Variants in RNGTT observed in about 807,000 individuals in gnomAD.
RNGTT encodes the protein mRNA-capping enzyme.
A neutral mutation model predicts 79.3 loss-of-function variants in RNGTT; 33 were observed. The ratio of observed to expected loss-of-function variants is 0.42; its 90% CI spans 0.32 to 0.56. The LOEUF (loss-of-function observed/expected upper bound fraction) is 0.56. Among genes scored for constraint, RNGTT ranks in the 20% least tolerant of loss-of-function variants. The pLI, the probability that RNGTT is intolerant of heterozygous loss-of-function variation, is 0.17. For missense variants in RNGTT, 497 were observed against 739.1 expected (o/e 0.67, Z 3.80); for synonymous variants, 222 against 235.9 (o/e 0.94, Z 0.54).
intron 14 of RNGTT, among the ~76,000 whole-genome samples, 185 bp from the exon 15 acceptor site, chr6:88,614,580 C>A (rs1038315116): frequency 1.3e-5 from 2 of 152,136 alleles, no homozygotes; most frequent in African/African-American, 4.8e-5. Context: ...TACACATGCT[C>A]ACTTATCCGA....
At chr6:88,884,296 G>T (rs1782787711) in intron 8 of RNGTT, among the ~76,000 whole-genome samples, 1 of 152,108 alleles carries the variant, frequency 6.6e-6, no homozygotes, top group Non-Finnish European at 1.5e-5. Context: ...CACACAATGG[G>T]TACAATGCAG....
chr6:88,706,610 C>T, intron 13 of RNGTT, among the ~76,000 whole-genome samples: 1 of 151,986 alleles, frequency 6.6e-6, no homozygotes, highest in East Asian at 1.9e-4. Flanking sequence ...AAATAGAATT[C>T]TACTGTAATA....
At chr6:88,944,611 T>G (rs1334973135) in intron 1 of RNGTT, among the ~76,000 whole-genome samples, 1 of 151,900 alleles carries the variant, frequency 6.6e-6, no homozygotes, top group East Asian at 1.9e-4. Context: ...CCATCAGCAT[T>G]TAAATAAGCC....
chr6:88,717,482 A>G (rs1239525425), intron 13 of RNGTT, among the ~76,000 whole-genome samples: 2 of 152,254 alleles, frequency 1.3e-5, no homozygotes, highest in Non-Finnish European at 2.9e-5. Context: ...TAGGTTATGC[A>G]TAATATAACT....
rs76850459 is a variant in RNGTT, at chr6:88,651,474, A to T, written c.1506+26879T>A. Among the ~76,000 whole-genome samples, 805 of 152,270 alleles carry T rather than the reference A, an allele frequency of 5.3e-3. 4 individuals are homozygous for T. Among genetic ancestry groups the T allele is most frequent in the Admixed American group, 9.9e-3 (151 of 15,302 alleles). On this transcript the variant is annotated intron_variant, in intron 14 of 15. Transcript: ENST00000369485. ...CTGCTGGGCATATAATACTCAACAA[A>T]TGTTGGCTATTTTTCTATTTGATAA...
chr6:88,734,515 T>TA (rs1296317462), intron 13 of RNGTT, among the ~76,000 whole-genome samples: 5 of 152,056 alleles, frequency 3.3e-5, no homozygotes, highest in African/African-American at 1.2e-4. Context: ...ACATATTAAT[T>TA]AAAAAACAGA....
intron 13 of RNGTT, among the ~76,000 whole-genome samples, chr6:88,750,123 T>C (rs925468153): frequency 6.6e-6 from 1 of 152,102 alleles, no homozygotes; most frequent in Admixed American, 6.6e-5. Context: ...AACAAACCTA[T>C]TTCCAAATAG....
intron 4 of RNGTT, among the ~76,000 whole-genome samples, chr6:88,917,099 T>C (rs918546329): frequency 2.6e-5 from 4 of 152,230 alleles, no homozygotes; most frequent in South Asian, 4.1e-4. Flanking sequence ...AATATATCTT[T>C]CTAAGAAACC....
intron 13 of RNGTT, among the ~76,000 whole-genome samples, chr6:88,752,632 A>C (rs1001386803): frequency 1.3e-5 from 2 of 152,124 alleles, no homozygotes; most frequent in African/African-American, 4.8e-5. Flanking sequence ...ACTCTTTTTG[A>C]ATATATATAC....
chr6:88,884,542 AAAGAT>A (rs1234934567), intron 8 of RNGTT, among the ~76,000 whole-genome samples: 4 of 152,192 alleles, frequency 2.6e-5, no homozygotes, highest in Admixed American at 6.5e-5. Flanking sequence ...AACAGAATGA[AAAGAT>A]AAGAGAAAGG....
chr6:88,816,328 G>A (rs1029212427), intron 11 of RNGTT, among the ~76,000 whole-genome samples: 5 of 152,138 alleles, frequency 3.3e-5, no homozygotes, highest in South Asian at 2.1e-4. Context: ...AGTCTAGTGA[G>A]TTACAATCTT....
At chr6:88,817,749 A>ATT (rs71554802) in intron 11 of RNGTT, among the ~76,000 whole-genome samples, 733 of 71,570 alleles carry the variant, frequency 0.01, 170 homozygotes, top group African/African-American at 0.026. Context: ...TATTCACATC[A>ATT]TTTTTTTTTT....
intron 13 of RNGTT, among the ~76,000 whole-genome samples, chr6:88,708,633 C>T (rs1441709415): frequency 6.6e-6 from 1 of 152,184 alleles, no homozygotes; most frequent in Non-Finnish European, 1.5e-5. Flanking sequence ...GCTGGCCTCT[C>T]AGCTCTCTGC....
intron 11 of RNGTT, among the ~76,000 whole-genome samples, chr6:88,826,788 GAAAA>G (rs1189448559): frequency 1.4e-5 from 1 of 69,740 alleles, no homozygotes; most frequent in African/African-American, 6.8e-5. Flanking sequence ...TGTCTCAAAA[GAAAA>G]AAAAAAAATA....
intron 4 of RNGTT, among the ~76,000 whole-genome samples, chr6:88,910,388 GGAAA>G (rs1783792286): frequency 6.6e-6 from 1 of 152,090 alleles, no homozygotes; most frequent in African/African-American, 2.4e-5. Flanking sequence ...ACCAAGCAGA[GGAAA>G]GAATCTCAGA....
At chr6:88,768,139 A>AGTCTGTGTGTGTGT (rs1778526705) in intron 13 of RNGTT, among the ~76,000 whole-genome samples, 1 of 148,820 alleles carries the variant, frequency 6.7e-6, no homozygotes, top group African/African-American at 2.5e-5. Flanking sequence ...ATTTAGGGAT[A>AGTCTGTGTGTGTGT]GTGTGTGTGT....
chr6:88,802,709 C>T (rs1192374621), intron 11 of RNGTT, among the ~76,000 whole-genome samples: 1 of 152,128 alleles, frequency 6.6e-6, no homozygotes, highest in South Asian at 2.1e-4. Context: ...TCTTACATGG[C>T]AGCAGGCAAG....
chr6:88,725,407 A>G (rs1353340764), intron 13 of RNGTT, among the ~76,000 whole-genome samples: 1 of 152,206 alleles, frequency 6.6e-6, no homozygotes, highest in Non-Finnish European at 1.5e-5. Context: ...AAAAAGCTGC[A>G]GGGTGGTAAA....
chr6:88,813,765 T>C (rs1181536636), intron 11 of RNGTT, among the ~76,000 whole-genome samples: 1 of 152,172 alleles, frequency 6.6e-6, no homozygotes, highest in Non-Finnish European at 1.5e-5. Flanking sequence ...ATCTCTACTC[T>C]AGTCTAGGTT....
Sources: allele counts gnomAD v4.1 joint callset (sites outside exome capture counted in the v4.1 genomes callset), GRCh38; gene constraint gnomAD v4.1.1; transcripts MANE v1.5; gene names NCBI Gene and HGNC (gene_info 2026-07-23, HGNC 2026-07-21).